Variants in TMEM132B observed in about 807,000 individuals in gnomAD.
TMEM132B encodes transmembrane protein 132B.
Under a neutral mutation model 90.8 loss-of-function variants are expected in TMEM132B, and 18 were observed. That is an observed-to-expected ratio of 0.20 (90% confidence interval 0.14 to 0.29). The LOEUF is 0.29. Among genes scored for constraint, TMEM132B ranks in the 10% least tolerant of loss-of-function variants. The pLI, the probability that TMEM132B is intolerant of heterozygous loss-of-function variation, is 1.00. For synonymous variants in TMEM132B, 504 were observed against 523.3 expected, an observed-to-expected ratio of 0.96 and a Z score of 0.50; for missense variants, 1,096 against 1,326.8, an observed-to-expected ratio of 0.83 and a Z score of 2.70.
intron 4 of TMEM132B, among the ~76,000 whole-genome samples, chr12:125,553,251 T>TC (rs1371808347): frequency 6.6e-6 from 1 of 152,212 alleles, no homozygotes; most frequent in Non-Finnish European, 1.5e-5. Context: ...GAACAGTCAT[T>TC]CATTCAGCAG....
At chr12:125,390,551 A>G (rs988974655) in intron 2 of TMEM132B, among the ~76,000 whole-genome samples, 1 of 152,214 alleles carries the variant, frequency 6.6e-6, no homozygotes, top group Non-Finnish European at 1.5e-5. Flanking sequence ...CACTTCTAAC[A>G]TATAAAATAC....
At chr12:125,244,363 T>C (rs1874159708) in intron 1 of TMEM132B, among the ~76,000 whole-genome samples, 1 of 151,910 alleles carries the variant, frequency 6.6e-6, no homozygotes, top group African/African-American at 2.4e-5. Flanking sequence ...AGAGCAGAGG[T>C]GGGTGTGAGG....
intron 4 of TMEM132B, among the ~76,000 whole-genome samples, chr12:125,556,143 GTGT>G (rs1433437875): frequency 6.6e-6 from 1 of 152,206 alleles, no homozygotes. Flanking sequence ...ATGTCTTACA[GTGT>G]TTTCCTGTAC....
At chr12:125,399,495 G>A (rs554720291) in intron 2 of TMEM132B, among the ~76,000 whole-genome samples, 13 of 149,838 alleles carry the variant, frequency 8.7e-5, no homozygotes, top group African/African-American at 2.8e-4. Context: ...GTGTGTGTGT[G>A]TGTGTGTGTG....
At chr12:125,317,945 G>A (rs911142452) in intron 1 of TMEM132B, among the ~76,000 whole-genome samples, 2 of 152,178 alleles carry the variant, frequency 1.3e-5, no homozygotes, top group African/African-American at 4.8e-5. Flanking sequence ...CAGAAGCTTG[G>A]AACCAACCTA....
At chr12:125,252,391 CA>C (rs1364880278) in intron 1 of TMEM132B, among the ~76,000 whole-genome samples, 1 of 152,204 alleles carries the variant, frequency 6.6e-6, no homozygotes. Flanking sequence ...GTGTCTGTTC[CA>C]GCCTCCCACG....
At chr12:125,569,760 C>T (rs959786229) in intron 4 of TMEM132B, among the ~76,000 whole-genome samples, 3 of 152,040 alleles carry the variant, frequency 2.0e-5, no homozygotes, top group African/African-American at 4.8e-5. Flanking sequence ...CTTGACCAAC[C>T]CCCCCATCTC....
intron 2 of TMEM132B, among the ~76,000 whole-genome samples, chr12:125,397,924 G>A (rs1468074678): frequency 6.6e-6 from 1 of 152,194 alleles, no homozygotes; most frequent in Non-Finnish European, 1.5e-5. Context: ...AATACCCAGT[G>A]TTTGTAGGAA....
intron 5 of TMEM132B, among the ~76,000 whole-genome samples, chr12:125,612,762 T>C (rs1885867792): frequency 7.2e-6 from 1 of 139,366 alleles, no homozygotes; most frequent in Admixed American, 7.5e-5. Context: ...GTCCTTTTCC[T>C]TTCAATCTAA....
At chr12:125,554,402 G>A (rs527245297) in intron 4 of TMEM132B, among the ~76,000 whole-genome samples, 9 of 143,008 alleles carry the variant, frequency 6.3e-5, no homozygotes, top group South Asian at 2.3e-4. Flanking sequence ...TCTAGCCTGG[G>A]CGACAAAGTG....
intron 3 of TMEM132B, among the ~76,000 whole-genome samples, chr12:125,496,369 A>G (rs1023967600): frequency 2.6e-5 from 4 of 152,164 alleles, no homozygotes; most frequent in South Asian, 2.1e-4. Flanking sequence ...GGCTTTCCCT[A>G]TACATCAGTT....
intron 4 of TMEM132B, among the ~76,000 whole-genome samples, chr12:125,525,361 G>A (rs1193683321): frequency 6.6e-6 from 1 of 152,246 alleles, no homozygotes; most frequent in African/African-American, 2.4e-5. Flanking sequence ...CTTTTGGAAA[G>A]TGATTAGCCA....
At chr12:125,523,405 C>A (rs1284155507) in intron 4 of TMEM132B, among the ~76,000 whole-genome samples, 2 of 152,026 alleles carry the variant, frequency 1.3e-5, no homozygotes, top group African/African-American at 2.4e-5. Flanking sequence ...CATTGTATCA[C>A]CTTCTCTGAG....
At chr12:125,256,208 A>G (rs1326362418) in intron 1 of TMEM132B, among the ~76,000 whole-genome samples, 1 of 152,208 alleles carries the variant, frequency 6.6e-6, no homozygotes, top group Non-Finnish European at 1.5e-5. Flanking sequence ...GCCGTGCTGG[A>G]AAACAGGGAG....
intron 2 of TMEM132B, among the ~76,000 whole-genome samples, chr12:125,364,273 C>T (rs1878055405): frequency 6.6e-6 from 1 of 152,076 alleles, no homozygotes; most frequent in Admixed American, 6.5e-5. Context: ...TACTCTTTTA[C>T]ATATTGGAAA....
rs368480807 is a variant in TMEM132B at position 125,452,204 on chromosome 12, G to C, written c.1106+36527G>C. On this transcript the variant is annotated intron_variant, in intron 3 of 8. Coordinates refer to ENST00000682704, the MANE Select transcript of TMEM132B (RefSeq NM_001366854.1). ...ATTTTTTACCTTTAAAATTTTTTTT[G>C]ATGTCTGCTGTAAGTCATATTTATA... 1.4e-4 allele frequency among the ~76,000 whole-genome samples: 22 copies of C among 152,130 alleles called. No homozygotes were observed. The South Asian group carries it at 1.7e-3, about 11-fold the overall frequency.
chr12:125,321,477 T>G (rs1175719517), intron 1 of TMEM132B, among the ~76,000 whole-genome samples: 8 of 12,542 alleles, frequency 6.4e-4, no homozygotes, highest in African/African-American at 1.0e-3. Context: ...AAAATGATTC[T>G]TTTTTTTTTT....
In TMEM132B at chr12:125,662,297, A is replaced by G. The variant is rs1490419774; in HGVS notation, c.*7587A>G. 6.6e-6 allele frequency: 1 copy of G among 152,272 alleles called. No homozygotes were observed. The highest frequency in any genetic ancestry group is 6.5e-5 in the Admixed American group (1 of 15,298). 9.4% of individuals were successfully genotyped at this position (152,272 alleles called of 1,614,324 possible). On this transcript the variant is annotated 3_prime_UTR_variant, in exon 9 of 9. Coordinates refer to ENST00000682704, the MANE Select transcript of TMEM132B (RefSeq NM_001366854.1). The stretch of plus-strand genomic sequence containing the variant: ...CAGTATGATCTGTTGTGTATGTTCC[A>G]CCGTATATTTAATGTCTCTGTAAAG...
intron 3 of TMEM132B, among the ~76,000 whole-genome samples, chr12:125,429,161 T>C (rs1010319102): frequency 6.6e-6 from 1 of 152,058 alleles, no homozygotes; most frequent in Non-Finnish European, 1.5e-5. Context: ...CTAGAGTCCA[T>C]AGTTTATTCA....
Sources: gnomAD v4.1 joint callset for allele counts (sites outside exome capture counted in the v4.1 genomes callset) on GRCh38, gnomAD v4.1.1 for gene constraint, MANE v1.5 for transcripts, NCBI Gene and HGNC (gene_info 2026-07-23, HGNC 2026-07-21) for gene names.